Variants in ITPK1 observed in about 807,000 individuals in gnomAD.
ITPK1 encodes the protein inositol 1,3,4-trisphosphate 5/6-kinase.
In ITPK1, 21 loss-of-function variants were observed where a neutral mutation model predicts 45.3. That is an observed-to-expected ratio of 0.46 (90% CI 0.33 to 0.67). ITPK1 has a LOEUF of 0.67. Among genes scored for constraint, ITPK1 ranks in the 30% least tolerant of loss-of-function variants. The pLI, the probability that ITPK1 is intolerant of heterozygous loss-of-function variation, is 0.02. For synonymous variants in ITPK1, 258 were observed against 253.6 expected, an observed-to-expected ratio of 1.02 and a Z score of -0.16; for missense variants, 474 against 573.5, an observed-to-expected ratio of 0.83 and a Z score of 1.77.
intron 3 of ITPK1, among the ~76,000 whole-genome samples, chr14:93,022,722 C>T (rs1254490478): frequency 1.3e-5 from 2 of 152,032 alleles, no homozygotes; most frequent in Non-Finnish European, 2.9e-5. Context: ...CTCATCTCTA[C>T]CAGATGTTGG....
chr14:93,038,523 T>TTTG (rs1889416910), intron 3 of ITPK1, among the ~76,000 whole-genome samples: 1 of 152,030 alleles, frequency 6.6e-6, no homozygotes. Context: ...ATATGTGGGT[T>TTTG]TTTGTTTGTT....
At chr14:93,038,959 G>A (rs1051960809) in intron 3 of ITPK1, among the ~76,000 whole-genome samples, 5 of 152,208 alleles carry the variant, frequency 3.3e-5, no homozygotes, top group East Asian at 1.9e-4. Flanking sequence ...CTCTAATACC[G>A]TTCCTAAAAC....
intron 3 of ITPK1, among the ~76,000 whole-genome samples, chr14:93,033,699 C>T (rs371931658): frequency 1.3e-5 from 2 of 152,148 alleles, no homozygotes; most frequent in African/African-American, 4.8e-5. Context: ...GAAAGAGGCG[C>T]TAGAGAGAGA....
rs71430782 is a variant in ITPK1, at chr14:93,061,989, T to C, written c.120+14606A>G. Among the ~76,000 whole-genome samples, 1,216 of 152,322 alleles carry C rather than the reference T, an allele frequency of 8.0e-3. 10 individuals carry two copies. Among genetic ancestry groups the C allele is most frequent in the Middle Eastern group, 0.024 (7 of 294 alleles). ...AGAACCACAACTTTGTTTACAACTA[T>C]GTCAAGGCTGGTGGCTCGCGCCTGT... is the stretch of plus-strand genomic sequence containing the variant. On this transcript the variant is annotated intron_variant, in intron 3 of 10. Transcript: ENST00000267615.
chr14:92,988,263 G>A (rs997493485), intron 5 of ITPK1, among the ~76,000 whole-genome samples: 4 of 152,206 alleles, frequency 2.6e-5, no homozygotes, highest in Admixed American at 1.3e-4. Flanking sequence ...GACACTGGGG[G>A]AGGCATGGGC....
intron 8 of ITPK1, among the ~76,000 whole-genome samples, chr14:92,955,356 G>A (rs973083722): frequency 6.6e-6 from 1 of 152,212 alleles, no homozygotes; most frequent in Non-Finnish European, 1.5e-5. Flanking sequence ...ATGCCTAAGA[G>A]AAACAAGGCT....
intron 8 of ITPK1, among the ~76,000 whole-genome samples, chr14:92,952,689 C>A (rs997893570): frequency 5.9e-5 from 9 of 152,222 alleles, no homozygotes; most frequent in Admixed American, 3.9e-4. Context: ...TCCCACAACA[C>A]CCGGCCCGTA....
intron 4 of ITPK1, among the ~76,000 whole-genome samples, chr14:92,995,622 T>C (rs534997205): frequency 6.6e-6 from 1 of 152,290 alleles, no homozygotes; most frequent in African/African-American, 2.4e-5. Flanking sequence ...ATTCCAGTCC[T>C]CACGCCTGTG....
chr14:93,081,609 A>T (rs955422102), intron 2 of ITPK1, among the ~76,000 whole-genome samples: 2 of 152,202 alleles, frequency 1.3e-5, no homozygotes, highest in African/African-American at 4.8e-5. Context: ...TCAGAGGAGG[A>T]GGCTGGCAAT....
chr14:92,941,364 G>A lies in ITPK1; in HGVS notation c.*197C>T, dbSNP rs183159487. The A allele has an allele frequency of 2.3e-5, 33 of 1,412,838 alleles. 1 individual carries two copies. The Admixed American group carries it at 2.9e-4, about 12-fold the overall frequency. 87.5% of individuals were successfully genotyped at this position (1,412,838 alleles called of 1,614,324 possible). A position where few individuals can be genotyped will look rare whatever the true frequency, so the allele number is the denominator to read the frequency against. ...CAGGCGGACGGCCCCACTCCCCAACGGTGGACCACCTGGTACTCTCTTCCA... is the reference window on the plus strand; with the variant it reads ...CAGGCGGACGGCCCCACTCCCCAACAGTGGACCACCTGGTACTCTCTTCCA... On this transcript the variant is annotated 3_prime_UTR_variant, in exon 11 of 11. Transcript: ENST00000267615.
chr14:92,960,775 G>T (rs930333337), intron 7 of ITPK1, among the ~76,000 whole-genome samples: 1 of 152,356 alleles, frequency 6.6e-6, no homozygotes, highest in South Asian at 2.1e-4. Flanking sequence ...GCTGAGGGGG[G>T]CCTGGGGACC....
At chr14:93,031,688 G>A (rs535022047) in intron 3 of ITPK1, among the ~76,000 whole-genome samples, 9 of 152,262 alleles carry the variant, frequency 5.9e-5, no homozygotes, top group African/African-American at 1.4e-4. Context: ...AAGAGAATAA[G>A]TGCCCATCCC....
At chr14:92,975,905 T>G (rs1885915851) in intron 5 of ITPK1, among the ~76,000 whole-genome samples, 1 of 152,176 alleles carries the variant, frequency 6.6e-6, no homozygotes. Flanking sequence ...GTTACTTCCA[T>G]GCTGTCTCAT....
intron 3 of ITPK1, among the ~76,000 whole-genome samples, chr14:93,053,808 T>C (rs1852206258): frequency 6.6e-6 from 1 of 152,160 alleles, no homozygotes; most frequent in African/African-American, 2.4e-5. Flanking sequence ...TGCTCTAAAA[T>C]AGAGTCTATT....
At chr14:93,064,199 C>T (rs1432175662) in intron 3 of ITPK1, among the ~76,000 whole-genome samples, 2 of 151,818 alleles carry the variant, frequency 1.3e-5, no homozygotes, top group Non-Finnish European at 1.5e-5. Flanking sequence ...AGAAGAATGG[C>T]GTGAACGTGG....
intron 10 of ITPK1, among the ~76,000 whole-genome samples, chr14:92,942,264 G>C (rs911430515): frequency 3.9e-5 from 6 of 152,148 alleles, no homozygotes; most frequent in African/African-American, 1.2e-4. Context: ...AGGGGATGTT[G>C]GCGTGGCTGG....
chr14:93,090,217 C>T (rs990391297), intron 2 of ITPK1, among the ~76,000 whole-genome samples: 1 of 152,150 alleles, frequency 6.6e-6, no homozygotes, highest in African/African-American at 2.4e-5. Flanking sequence ...ACCGGGCTTC[C>T]TGCCGTGCCC....
At chr14:93,019,661 G>T (rs1406483306) in intron 3 of ITPK1, among the ~76,000 whole-genome samples, 2 of 152,154 alleles carry the variant, frequency 1.3e-5, no homozygotes, top group African/African-American at 4.8e-5. Context: ...CCCTGAAGGG[G>T]TCTGTCCCCT....
In ITPK1 at chr14:93,076,960, C is replaced by T. The variant is rs569814580; in HGVS notation, c.96-341G>A. Among the ~76,000 whole-genome samples, 2 of 152,236 alleles carry T rather than the reference C, an allele frequency of 1.3e-5. No homozygotes were observed. The highest frequency in any genetic ancestry group is 4.8e-5 in the African/African-American group (2 of 41,536). The stretch of plus-strand genomic sequence containing the variant: ...CCCCTGCCACCAAGTTCACCACCAT[C>T]CTCACCACCTGCCGTCCCTGCCGAG... On this transcript the variant is annotated intron_variant, in intron 2 of 10. Transcript: ENST00000267615. This position sits in a 1 kb window ranked among gnomAD's most constrained non-coding sequence, Gnocchi z 4.3.
Sources: allele counts gnomAD v4.1 joint callset (sites outside exome capture counted in the v4.1 genomes callset), GRCh38; gene constraint gnomAD v4.1.1; non-coding constraint Gnocchi (gnomAD v3.1); transcripts MANE v1.5; gene names NCBI Gene and HGNC (gene_info 2026-07-23, HGNC 2026-07-21).